The following PRDM16 variants were observed in gnomAD, a reference collection of about 807,000 sequenced individuals.
PRDM16 encodes histone-lysine N-methyltransferase PRDM16.
A neutral mutation model predicts 110.6 loss-of-function variants in PRDM16; 23 were observed. The observed-to-expected ratio is 0.21, with a 90% CI of 0.15 to 0.29. The LOEUF is 0.29. Among genes scored for constraint, PRDM16 ranks in the 10% least tolerant of loss-of-function variants. The probability of loss-of-function intolerance (pLI) is 1.00; values close to 1 mark genes in which losing one functional copy is unlikely to be tolerated. For synonymous variants in PRDM16, 799 were observed against 781.8 expected (o/e 1.02, Z -0.37); for missense variants, 1,615 against 1,794.3 (o/e 0.90, Z 1.81).
Position 3,412,390 on chromosome 1 carries a change from C to A in PRDM16, c.2193C>A (p.Pro731=). ...YHSAFPFQFL[P]NFPHSLYPFT... ...CGGCGTTCCCCTTCCAGTTCCTGCCCAACTTCCCCCACTCCCTTTACCCCT... is the reference window on the plus strand; with the variant it reads ...CGGCGTTCCCCTTCCAGTTCCTGCCAAACTTCCCCCACTCCCTTTACCCCT... Residue 731 remains proline, a synonymous_variant, in exon 9 of 17, where the codon CCC becomes CCA. Coordinates refer to ENST00000270722, the MANE Select transcript of PRDM16 (RefSeq NM_022114.4). 2 of 1,613,362 alleles carry A rather than the reference C, an allele frequency of 1.2e-6. 1 individual carries two copies. The highest frequency in any genetic ancestry group is 2.2e-5 in the South Asian group (2 of 91,080).
At chr1:3,158,687 CTTTCTCTTTT>C (rs1440661915) in intron 1 of PRDM16, among the ~76,000 whole-genome samples, 1 of 151,152 alleles carries the variant, frequency 6.6e-6, no homozygotes, top group Non-Finnish European at 1.5e-5. Context: ...CTTTCTTTCT[CTTTCTCTTTT>C]TTTCTCTTTC....
intron 2 of PRDM16, among the ~76,000 whole-genome samples, chr1:3,229,787 A>ACAG (rs1326617396): frequency 6.6e-6 from 1 of 152,184 alleles, no homozygotes; most frequent in Non-Finnish European, 1.5e-5. Context: ...AGGCTCATGG[A>ACAG]CAGCAGGCAG....
intron 1 of PRDM16, among the ~76,000 whole-genome samples, chr1:3,184,562 G>A (rs1002781964): frequency 3.9e-5 from 6 of 152,152 alleles, no homozygotes; most frequent in South Asian, 2.1e-4. Context: ...CCTAACACTC[G>A]CGCCTGCCTT....
chr1:3,088,876 G>A (rs569669229), intron 1 of PRDM16, among the ~76,000 whole-genome samples: 131 of 151,946 alleles, frequency 8.6e-4, no homozygotes, highest in Non-Finnish European at 5.4e-4. Context: ...TCTGCCTCCC[G>A]GGTTCAAGCG....
intron 3 of PRDM16, among the ~76,000 whole-genome samples, chr1:3,381,701 CTT>C (rs1643105074): frequency 6.6e-6 from 1 of 152,210 alleles, no homozygotes; most frequent in African/African-American, 2.4e-5. Flanking sequence ...GGCCAACACT[CTT>C]GAGTCAACAA....
chr1:3,176,026 T>C (rs1418066797), intron 1 of PRDM16, among the ~76,000 whole-genome samples: 1 of 30,878 alleles, frequency 3.2e-5, no homozygotes, highest in African/African-American at 1.1e-4. Flanking sequence ...CCCTTATAAA[T>C]CTATCCACCC....
At chr1:3,164,163 C>T (rs149792319) in intron 1 of PRDM16, among the ~76,000 whole-genome samples, 41 of 152,342 alleles carry the variant, frequency 2.7e-4, no homozygotes, top group African/African-American at 9.4e-4. Flanking sequence ...TGCAAACGTC[C>T]GGCCAGCGGC....
chr1:3,433,020 A>T (rs1482917181), intron 16 of PRDM16, among the ~76,000 whole-genome samples: 3 of 152,200 alleles, frequency 2.0e-5, no homozygotes, highest in African/African-American at 7.2e-5. Context: ...CAAAACAGAC[A>T]TCCCCTGGCA....
At position 3,206,804 on chromosome 1, in the gene PRDM16, A is replaced by C. The variant is rs1440179217; in HGVS notation, c.387+20330A>C. 1 of 152,334 alleles carries C rather than the reference A, an allele frequency of 6.6e-6. No individual in the cohort carries two copies. Among genetic ancestry groups the C allele is most frequent in the Non-Finnish European group, 1.5e-5 (1 of 68,128 alleles). 9.4% of individuals were successfully genotyped at this position (152,334 alleles called of 1,614,324 possible). On this transcript the variant is annotated intron_variant, in intron 2 of 16. Transcript: ENST00000270722. The surrounding 1 kb of genome is among the most constrained non-coding windows in gnomAD (Gnocchi z 4.9). ...AGGTCACACGGCACCAGCTGGCCCA[A>C]GGCTGGTCAAGAATCCGAGTTTTCT... is the stretch of plus-strand genomic sequence containing the variant.
chr1:3,196,571 C>G (rs569333010), intron 2 of PRDM16, among the ~76,000 whole-genome samples: 1 of 152,160 alleles, frequency 6.6e-6, no homozygotes, highest in Non-Finnish European at 1.5e-5. Context: ...CCAGGGTGCC[C>G]GTGGCACCAG....
At chr1:3,110,188 C>T (rs1219489104) in intron 1 of PRDM16, among the ~76,000 whole-genome samples, 30 of 144,228 alleles carry the variant, frequency 2.1e-4, no homozygotes, top group African/African-American at 6.9e-4. Context: ...GTGGATCCCC[C>T]ATGTCCTGGG....
At chr1:3,300,537 A>G (rs1297037722) in intron 3 of PRDM16, among the ~76,000 whole-genome samples, 1 of 152,104 alleles carries the variant, frequency 6.6e-6, no homozygotes. Context: ...TTCCGATCCC[A>G]GTCATGGTTT....
intron 1 of PRDM16, among the ~76,000 whole-genome samples, chr1:3,130,188 C>T (rs554259534): frequency 6.6e-6 from 1 of 152,328 alleles, no homozygotes; most frequent in South Asian, 2.1e-4. Flanking sequence ...GCAGAGCCCT[C>T]TGTCCCTGTC....
chr1:3,303,764 A>C (rs1486265524), intron 3 of PRDM16, among the ~76,000 whole-genome samples: 4 of 152,364 alleles, frequency 2.6e-5, no homozygotes, highest in Non-Finnish European at 5.9e-5. Context: ...GGTGCGGTGC[A>C]TCTCACTGGG....
chr1:3,269,331 G>C (rs1387826123), intron 3 of PRDM16, among the ~76,000 whole-genome samples: 2 of 152,166 alleles, frequency 1.3e-5, no homozygotes, highest in Non-Finnish European at 1.5e-5. Context: ...GAGGAGGACA[G>C]TTGGGAGGAG....
In PRDM16 at chr1:3,302,166, A is replaced by G. The variant is rs886486447; in HGVS notation, c.438+58029A>G. ...GTCACATTTTCATCTACTGGTCAAT[A>G]AACAACCTTATTCTACATGTGGTTC... On this transcript the variant is annotated intron_variant, in intron 3 of 16. Transcript: ENST00000270722. 2.0e-5 allele frequency among the ~76,000 whole-genome samples: 3 copies of G among 152,152 alleles called. No homozygotes were observed. In the East Asian group the frequency reaches 5.8e-4, roughly 29 times the overall value.
chr1:3,190,072 C>T lies in PRDM16; in HGVS notation c.387+3598C>T, dbSNP rs980747402. On this transcript the variant is annotated intron_variant, in intron 2 of 16. Coordinates refer to ENST00000270722, the MANE Select transcript of PRDM16 (RefSeq NM_022114.4). This position sits in a 1 kb window ranked among gnomAD's most constrained non-coding sequence, Gnocchi z 5.0. ...GGGTCAGGGGCTCTTCTCTCCCTGA[C>T]ATGGGGCCGATGTAGATGACAGCAT... Among the ~76,000 whole-genome samples the T allele has an allele frequency of 6.6e-6, 1 of 152,128 alleles. No individual in the cohort carries two copies. Among genetic ancestry groups the T allele is most frequent in the African/African-American group, 2.4e-5 (1 of 41,426 alleles).
chr1:3,090,077 C>A (rs1642240980), intron 1 of PRDM16, among the ~76,000 whole-genome samples: 1 of 152,244 alleles, frequency 6.6e-6, no homozygotes, highest in African/African-American at 2.4e-5. Context: ...AAGTAAACTG[C>A]CATACAAAGG....
In PRDM16 at chr1:3,359,522, G is replaced by A. The variant is rs188960418; in HGVS notation, c.439-25630G>A. 3.0e-4 allele frequency among the ~76,000 whole-genome samples: 45 copies of A among 152,218 alleles called. No individual in the cohort carries two copies. The highest frequency in any genetic ancestry group is 3.4e-3 in the Middle Eastern group (1 of 294). On this transcript the variant is annotated intron_variant, in intron 3 of 16. Transcript: ENST00000270722. This position sits in a 1 kb window ranked among gnomAD's most constrained non-coding sequence, Gnocchi z 4.3. The stretch of plus-strand genomic sequence containing the variant: ...CCGGGAGCAGTGGCTGCAGCCTCCC[G>A]AGGTGAGCCTGTCTGCACCATCTGC...
Sources: allele counts gnomAD v4.1 joint callset (sites outside exome capture counted in the v4.1 genomes callset), GRCh38; gene constraint gnomAD v4.1.1; non-coding constraint Gnocchi (gnomAD v3.1); transcripts MANE v1.5; gene names NCBI Gene and HGNC (gene_info 2026-07-23, HGNC 2026-07-21).